SOHLH2: variants seen among roughly 807,000 people sequenced by gnomAD.
The protein encoded by SOHLH2 is spermatogenesis and oogenesis specific basic helix-loop-helix 2.
In SOHLH2, 22 loss-of-function variants were observed where a neutral mutation model predicts 50.4. That is an observed-to-expected ratio of 0.44 (90% CI 0.31 to 0.62). The LOEUF (loss-of-function observed/expected upper bound fraction) is 0.62. Among genes scored for constraint, SOHLH2 ranks in the 20% least tolerant of loss-of-function variants. The pLI, the probability that SOHLH2 is intolerant of heterozygous loss-of-function variation, is 0.08. For missense variants in SOHLH2, 412 were observed against 504.4 expected, an observed-to-expected ratio of 0.82 and a Z score of 1.76; for synonymous variants, 185 against 187.3, an observed-to-expected ratio of 0.99 and a Z score of 0.10.
chr13:36,201,538 T>G (rs907066554), intron 2 of SOHLH2, among the ~76,000 whole-genome samples: 1 of 151,874 alleles, frequency 6.6e-6, no homozygotes, highest in Admixed American at 6.6e-5. Flanking sequence ...AGTGACATGA[T>G]CATAGTTCAT....
At chr13:36,213,286 G>T (rs1203850517) in intron 1 of SOHLH2, among the ~76,000 whole-genome samples, 1 of 151,976 alleles carries the variant, frequency 6.6e-6, no homozygotes, top group Non-Finnish European at 1.5e-5. Context: ...GCCTAATCCT[G>T]CACCATAAAA....
intron 6 of SOHLH2, among the ~76,000 whole-genome samples, chr13:36,183,439 C>A (rs1402945152): frequency 6.6e-6 from 1 of 151,430 alleles, no homozygotes; most frequent in Non-Finnish European, 1.5e-5. Flanking sequence ...CTAGAGCAAC[C>A]AATAAAAAAT....
chr13:36,210,090 T>C (rs1325179011), intron 1 of SOHLH2, among the ~76,000 whole-genome samples: 1 of 151,732 alleles, frequency 6.6e-6, no homozygotes, highest in African/African-American at 2.4e-5. Flanking sequence ...ATACCAGGAG[T>C]CCTCATCTCA....
rs1887582793 is a variant in SOHLH2 at position 36,191,836 on chromosome 13, G to A, written c.489C>T (p.Tyr163=). The A allele has an allele frequency of 1.2e-6, 2 of 1,614,004 alleles. No individual in the cohort carries two copies. Among genetic ancestry groups the A allele is most frequent in the South Asian group, 2.2e-5 (2 of 91,078 alleles). The change falls in exon 5 of 11, where the codon TAC becomes TAT. Residue 163 remains tyrosine (Y), a synonymous_variant. Transcript: ENST00000379881. ...EELGLPLQRS[Y]SEHLGYFPTD... The stretch of plus-strand genomic sequence containing the variant: ...TAGGAAAATATCCCAGGTGTTCGCT[G>A]TAGGACCTCTGCAGGGGCAATCCAA...
intron 2 of SOHLH2, among the ~76,000 whole-genome samples, chr13:36,197,004 CTCTT>C (rs1389191646): frequency 6.6e-6 from 1 of 152,188 alleles, no homozygotes; most frequent in African/African-American, 2.4e-5. Context: ...AGAAAATGTT[CTCTT>C]TTTTTGTGAA....
chr13:36,201,048 CAAAAAAAAA>C (rs10660002), intron 2 of SOHLH2, among the ~76,000 whole-genome samples: 1 of 55,962 alleles, frequency 1.8e-5, no homozygotes, highest in Non-Finnish European at 3.2e-5. Flanking sequence ...GACTCTGCCT[CAAAAAAAAA>C]AAAAAAAAAA....
chr13:36,195,873 T>C (rs1887708677), intron 2 of SOHLH2, among the ~76,000 whole-genome samples: 1 of 152,040 alleles, frequency 6.6e-6, no homozygotes, highest in Non-Finnish European at 1.5e-5. Context: ...ATGGTTTCTA[T>C]GAGGAAATGA....
intron 1 of SOHLH2, among the ~76,000 whole-genome samples, chr13:36,207,504 G>T (rs1376278521): frequency 6.6e-6 from 1 of 152,078 alleles, no homozygotes; most frequent in Non-Finnish European, 1.5e-5. Context: ...ATCTGACTCA[G>T]CTTCCCCAAA....
chr13:36,169,916 A>C (rs1593931249), intron 10 of SOHLH2, among the ~76,000 whole-genome samples: 1 of 152,142 alleles, frequency 6.6e-6, no homozygotes, highest in Non-Finnish European at 1.5e-5. Context: ...CGCTTCAACC[A>C]TATTGTAATT....
chr13:36,178,939 T>C (rs902781582), intron 6 of SOHLH2, among the ~76,000 whole-genome samples: 5 of 152,246 alleles, frequency 3.3e-5, no homozygotes, highest in African/African-American at 7.2e-5. Flanking sequence ...TAAAATACCA[T>C]TGATTTTTGT....
intron 9 of SOHLH2, 43 bp downstream of exon 9, chr13:36,173,649 G>C: frequency 6.2e-7 from 1 of 1,608,720 alleles, no homozygotes; most frequent in Non-Finnish European, 8.5e-7. Context: ...GCAGGGCAGG[G>C]CAGGTCCCCC....
chr13:36,194,745 AAG>A (rs1887674174), intron 2 of SOHLH2, among the ~76,000 whole-genome samples: 1 of 152,248 alleles, frequency 6.6e-6, no homozygotes, highest in Non-Finnish European at 1.5e-5. Context: ...GTGACTGTGA[AAG>A]AGATTTTAAA....
At chr13:36,208,997 A>T (rs1488030160) in intron 1 of SOHLH2, among the ~76,000 whole-genome samples, 2 of 152,112 alleles carry the variant, frequency 1.3e-5, no homozygotes, top group African/African-American at 4.8e-5. Flanking sequence ...TATATATCTT[A>T]TTCATCCTAC....
At chr13:36,202,162 A>G in intron 1 of SOHLH2, 69 bp from the exon 2 acceptor site, 2 of 1,563,610 alleles carry the variant, frequency 1.3e-6, no homozygotes, top group African/African-American at 2.7e-5. Flanking sequence ...CATGTATGAG[A>G]GGATAAGATA....
chr13:36,210,758 T>TCAC (rs1353816551), intron 1 of SOHLH2, among the ~76,000 whole-genome samples: 64 of 152,276 alleles, frequency 4.2e-4, no homozygotes, highest in African/African-American at 1.5e-3. Context: ...CCAACCTACT[T>TCAC]CAAACTTATT....
chr13:36,189,982 A>G lies in SOHLH2; in HGVS notation c.605T>C (p.Ile202Thr). ...TTCCTTGCTTGAATGAAGAAGAGAG[A>G]TCTTTTTGTTTTTCTCGAACTCTGA... ...SLSEFEKNKK[I>T]SLLHSSKEKL... The change falls in exon 6 of 11, where the codon ATC becomes ACC. Residue 202 changes from isoleucine (I) to threonine (T), a missense_variant. Transcript: ENST00000379881. The G allele has an allele frequency of 6.2e-7, 1 of 1,606,270 alleles. No homozygotes were observed. The highest frequency in any genetic ancestry group is 1.7e-5 in the Admixed American group (1 of 59,714).
intron 1 of SOHLH2, among the ~76,000 whole-genome samples, chr13:36,212,077 A>T (rs1247707804): frequency 6.6e-6 from 1 of 152,120 alleles, no homozygotes; most frequent in Admixed American, 6.5e-5. Context: ...GGGGAAAAAA[A>T]GTCAAGAAAG....
chr13:36,171,312 T>C (rs76608410), intron 9 of SOHLH2, among the ~76,000 whole-genome samples: 1,827 of 152,240 alleles, frequency 0.012, 28 homozygotes, highest in African/African-American at 0.041. Flanking sequence ...GTATCTGAAA[T>C]GTTTGTGGAA....
intron 1 of SOHLH2, among the ~76,000 whole-genome samples, chr13:36,210,953 G>A (rs775797536): frequency 6.6e-6 from 1 of 152,156 alleles, no homozygotes; most frequent in Non-Finnish European, 1.5e-5. Flanking sequence ...CTAAGCCTTT[G>A]TGATGCCTGT....
Sources: gnomAD v4.1 joint callset for allele counts (sites outside exome capture counted in the v4.1 genomes callset) on GRCh38, gnomAD v4.1.1 for gene constraint, MANE v1.5 for transcripts, NCBI Gene and HGNC (gene_info 2026-07-23, HGNC 2026-07-21) for gene names.